Variants in NEK4 observed in about 807,000 individuals in gnomAD.
The protein encoded by NEK4 is serine/threonine-protein kinase Nek4.
Under a neutral mutation model 98.4 loss-of-function variants are expected in NEK4, and 86 were observed. That is an observed-to-expected ratio of 0.87 (90% CI 0.73 to 1.05). The LOEUF is 1.05. Ranked by LOEUF, NEK4 falls within the 50% of genes least tolerant of loss-of-function variation. NEK4 has a pLI of 0.00. For missense variants in NEK4, 898 were observed against 950.3 expected, an observed-to-expected ratio of 0.94 and a Z score of 0.72; for synonymous variants, 328 against 342.2, an observed-to-expected ratio of 0.96 and a Z score of 0.46.
chr3:52,760,658 TTTC>T, intron 6 of NEK4, 134 bp downstream of exon 6: 1 of 715,294 alleles, frequency 1.4e-6, no homozygotes, highest in Non-Finnish European at 2.4e-6. Context: ...ACCAGTATTC[TTTC>T]TTTACAGTAA....
intron 2 of NEK4, 50 bp from the exon 3 acceptor site, chr3:52,766,425 A>G (rs1007737358): frequency 5.9e-6 from 8 of 1,360,500 alleles, no homozygotes; most frequent in African/African-American, 1.5e-5. Flanking sequence ...TTAATTATGT[A>G]TTTATTCCTG....
chr3:52,731,654 C>G (rs907558682), intron 15 of NEK4, among the ~76,000 whole-genome samples: 1 of 152,206 alleles, frequency 6.6e-6, no homozygotes, highest in Non-Finnish European at 1.5e-5. Flanking sequence ...CAAAATGTGT[C>G]CAATGAGACC....
In NEK4 at chr3:52,736,206, A is replaced by G. The variant is rs2097375602; in HGVS notation, c.2433+1380T>C. 2.0e-5 allele frequency among the ~76,000 whole-genome samples: 3 copies of G among 151,980 alleles called. No homozygotes were observed. In the South Asian group the frequency reaches 6.2e-4, roughly 31 times the overall value. The stretch of plus-strand genomic sequence containing the variant: ...AAGTGCCAGTAAGTGGTTCTTATGT[A>G]TTTTTGGCGGGGGGGAATTTATTTT... On this transcript the variant is annotated intron_variant, in intron 15 of 15. Coordinates refer to ENST00000233027, the MANE Select transcript of NEK4 (RefSeq NM_003157.6).
At chr3:52,733,698 G>A (rs960487183) in intron 15 of NEK4, 47 of 445,864 alleles carry the variant, frequency 1.1e-4, no homozygotes, top group Non-Finnish European at 4.5e-5. Flanking sequence ...TATAGTGAAT[G>A]CGGCAAGGTC....
At chr3:52,719,735 A>G (rs1346370555) in intron 15 of NEK4, among the ~76,000 whole-genome samples, 1 of 152,110 alleles carries the variant, frequency 6.6e-6, no homozygotes, top group Non-Finnish European at 1.5e-5. Context: ...AAAAATTATT[A>G]ATTTAAAGAC....
At chr3:52,740,793 A>C (rs1289699129) in intron 13 of NEK4, among the ~76,000 whole-genome samples, 1 of 149,380 alleles carries the variant, frequency 6.7e-6, no homozygotes, top group African/African-American at 2.4e-5. Flanking sequence ...CTCTGTCTCA[A>C]AAAATAAATA....
chr3:52,731,403 C>T (rs1037922456), intron 15 of NEK4, among the ~76,000 whole-genome samples: 11 of 152,146 alleles, frequency 7.2e-5, no homozygotes, highest in Non-Finnish European at 1.6e-4. Context: ...CTCATCCTTC[C>T]TGATTTCAAA....
At chr3:52,756,564 A>C (rs995911412) in intron 6 of NEK4, among the ~76,000 whole-genome samples, 1 of 152,212 alleles carries the variant, frequency 6.6e-6, no homozygotes, top group Non-Finnish European at 1.5e-5. Flanking sequence ...CAGAATAATG[A>C]AGTCAGACCT....
At chr3:52,764,342 A>G (rs1048625858) in intron 4 of NEK4, among the ~76,000 whole-genome samples, 7 of 151,604 alleles carry the variant, frequency 4.6e-5, no homozygotes, top group African/African-American at 1.5e-4. Context: ...TAAAAAATAC[A>G]AGACTTGGGC....
intron 5 of NEK4, among the ~76,000 whole-genome samples, chr3:52,761,340 G>A (rs773015693): frequency 8.5e-5 from 13 of 152,150 alleles, no homozygotes; most frequent in African/African-American, 1.7e-4. Flanking sequence ...GTGTAGTGGC[G>A]TGATCTCAGC....
In NEK4 at chr3:52,765,903, C is replaced by T. The variant is rs779390122; in HGVS notation, c.650G>A (p.Arg217Gln). 35 of 1,598,980 alleles carry T rather than the reference C, an allele frequency of 2.2e-5. No homozygotes were observed. Among genetic ancestry groups the T allele is most frequent in the Non-Finnish European group, 2.9e-5 (34 of 1,166,702 alleles). ...NAKDMNSLVYRIIEGKLPPMP... is the reference protein window; with the variant it reads ...NAKDMNSLVYQIIEGKLPPMP... ...ATTCTTTACCTTTCCTTCAATAATCCGATAAACTAAAGAATTCATATCTTT... is the reference window on the plus strand; with the variant it reads ...ATTCTTTACCTTTCCTTCAATAATCTGATAAACTAAAGAATTCATATCTTT... Residue 217 changes from arginine to glutamine, a missense_variant, in exon 4 of 16, where the codon CGG becomes CAG. Arg to Gln is a conservative substitution (Grantham distance 43). Coordinates refer to ENST00000233027, the MANE Select transcript of NEK4 (RefSeq NM_003157.6).
intron 6 of NEK4, among the ~76,000 whole-genome samples, chr3:52,752,941 C>T (rs1452052606): frequency 2.4e-5 from 3 of 124,866 alleles, no homozygotes; most frequent in Non-Finnish European, 5.0e-5. Flanking sequence ...TATACACACA[C>T]ACACACACAC....
At chr3:52,744,200 C>CTA (rs2097391636) in intron 11 of NEK4, 39 bp downstream of exon 11, 2 of 1,496,352 alleles carry the variant, frequency 1.3e-6, no homozygotes, top group Admixed American at 3.3e-5. Flanking sequence ...AACCATACCC[C>CTA]TAACTGCCAA....
chr3:52,724,487 C>T (rs2097362789), intron 15 of NEK4, among the ~76,000 whole-genome samples: 1 of 152,084 alleles, frequency 6.6e-6, no homozygotes, highest in Non-Finnish European at 1.5e-5. Flanking sequence ...AAGACATTTC[C>T]AGATAAATCT....
At chr3:52,738,151 T>C (rs2097379511) in intron 14 of NEK4, among the ~76,000 whole-genome samples, 1 of 151,686 alleles carries the variant, frequency 6.6e-6, no homozygotes, top group Non-Finnish European at 1.5e-5. Context: ...TGCACTGTCA[T>C]AGGGATGTAG....
intron 4 of NEK4, among the ~76,000 whole-genome samples, chr3:52,764,778 GCACACACACACACACA>G (rs56827006): frequency 6.9e-6 from 1 of 145,030 alleles, no homozygotes; most frequent in Non-Finnish European, 1.5e-5. Flanking sequence ...ACACACACAT[GCACACACACACACACA>G]CACACACACA....
chr3:52,764,361 G>A (rs1310075188), intron 4 of NEK4, among the ~76,000 whole-genome samples: 1 of 151,950 alleles, frequency 6.6e-6, no homozygotes, highest in Non-Finnish European at 1.5e-5. Context: ...GCCGGGTGCA[G>A]TGGCTCACAC....
At chr3:52,728,754 C>A (rs1397250221) in intron 15 of NEK4, among the ~76,000 whole-genome samples, 1 of 152,152 alleles carries the variant, frequency 6.6e-6, no homozygotes, top group Admixed American at 6.5e-5. Flanking sequence ...GAAGATATCA[C>A]TAAATTCTTT....
intron 15 of NEK4, among the ~76,000 whole-genome samples, chr3:52,728,234 C>T (rs1224349843): frequency 6.6e-6 from 1 of 152,144 alleles, no homozygotes; most frequent in East Asian, 1.9e-4. Flanking sequence ...TAATTAGCTG[C>T]ACGTGGTGCC....
Sources: gnomAD v4.1 joint callset for allele counts (sites outside exome capture counted in the v4.1 genomes callset) on GRCh38, gnomAD v4.1.1 for gene constraint, MANE v1.5 for transcripts, NCBI Gene and HGNC (gene_info 2026-07-23, HGNC 2026-07-21) for gene names.